The following PLEKHA5 variants were observed in gnomAD, a reference collection of about 807,000 sequenced individuals.
PLEKHA5 encodes the protein pleckstrin homology domain containing A5.
PLEKHA5 carries 55 observed loss-of-function variants against 181.9 expected under a neutral mutation model. The ratio of observed to expected loss-of-function variants is 0.30; its 90% confidence interval spans 0.24 to 0.38. The LOEUF (loss-of-function observed/expected upper bound fraction) is 0.38. Among genes scored for constraint, PLEKHA5 ranks in the 10% least tolerant of loss-of-function variants. PLEKHA5 has a pLI of 1.00. For synonymous variants in PLEKHA5, 535 were observed against 529.4 expected (o/e 1.01, Z -0.15); for missense variants, 1,432 against 1,549.5 (o/e 0.92, Z 1.27).
intron 3 of PLEKHA5, among the ~76,000 whole-genome samples, chr12:19,206,160 T>G (rs2055434221): frequency 6.6e-6 from 1 of 152,078 alleles, no homozygotes; most frequent in African/African-American, 2.4e-5. Context: ...ATTATGGTGA[T>G]CAATAGGAAG....
At chr12:19,231,488 T>G (rs532027253) in intron 3 of PLEKHA5, among the ~76,000 whole-genome samples, 1 of 101,658 alleles carries the variant, frequency 9.8e-6, no homozygotes, top group African/African-American at 3.0e-5. Context: ...AAGGTTATAC[T>G]TAGGACCTAG....
chr12:19,306,786 C>A, intron 15 of PLEKHA5: 1 of 884,028 alleles, frequency 1.1e-6, no homozygotes, highest in Non-Finnish European at 1.9e-6. Flanking sequence ...ATTCCATGAT[C>A]CAGACTCAGC....
chr12:19,306,357 C>G (rs758513798), intron 15 of PLEKHA5: 2 of 462,874 alleles, frequency 4.3e-6, no homozygotes, highest in Non-Finnish European at 8.5e-6. Flanking sequence ...TTCTCGTGCT[C>G]TCCAACTAGC....
chr12:19,195,135 A>C (rs954004703), intron 3 of PLEKHA5, among the ~76,000 whole-genome samples: 1 of 152,094 alleles, frequency 6.6e-6, no homozygotes, highest in Non-Finnish European at 1.5e-5. Context: ...CTTGGAGTTC[A>C]ACTTGCGCAA....
At chr12:19,195,151 G>T (rs961021150) in intron 3 of PLEKHA5, among the ~76,000 whole-genome samples, 6 of 152,056 alleles carry the variant, frequency 3.9e-5, no homozygotes, top group African/African-American at 7.2e-5. Context: ...CGCAAAGTTA[G>T]TAACAGGACT....
At chr12:19,374,417 T>C (rs1032465377) in intron 31 of PLEKHA5, among the ~76,000 whole-genome samples, 1 of 152,150 alleles carries the variant, frequency 6.6e-6, no homozygotes, top group African/African-American at 2.4e-5. Flanking sequence ...CCCAACACTT[T>C]GTGAGGCCGA....
chr12:19,195,915 C>G (rs1375300027), intron 3 of PLEKHA5, among the ~76,000 whole-genome samples: 2 of 152,080 alleles, frequency 1.3e-5, no homozygotes, highest in African/African-American at 4.8e-5. Flanking sequence ...TGAAGCCATT[C>G]TCTATTGACT....
chr12:19,283,271 T>C lies in PLEKHA5; in HGVS notation c.1314-9T>C. 6.5e-7 allele frequency: 1 copy of C among 1,534,144 alleles called. No homozygotes were observed. The highest frequency in any genetic ancestry group is 8.9e-7 in the Non-Finnish European group (1 of 1,129,146). On this transcript the variant is annotated splice_polypyrimidine_tract_variant and intron_variant, in intron 11 of 31. Transcript: ENST00000429027. Reference sequence around the variant, plus strand: ...TCATGTTTACATTTTAATTATTTTTTTATTTTAGAGTAATTTCTTACCAAA... The same window carrying C: ...TCATGTTTACATTTTAATTATTTTTCTATTTTAGAGTAATTTCTTACCAAA...
intron 3 of PLEKHA5, among the ~76,000 whole-genome samples, chr12:19,228,291 C>G (rs1031244698): frequency 2.6e-5 from 4 of 152,190 alleles, no homozygotes; most frequent in African/African-American, 9.7e-5. Flanking sequence ...ATATACCTTA[C>G]TAAGCCATTG....
chr12:19,303,815 C>G (rs1338787606), intron 15 of PLEKHA5: 1 of 107,512 alleles, frequency 9.3e-6, no homozygotes, highest in Admixed American at 1.1e-4. Context: ...TTTCTTTGAG[C>G]TTTTTTTTTT....
At chr12:19,168,285 A>G (rs1427483463) in intron 3 of PLEKHA5, among the ~76,000 whole-genome samples, 1 of 152,136 alleles carries the variant, frequency 6.6e-6, no homozygotes, top group African/African-American at 2.4e-5. Flanking sequence ...TTGAGATTCT[A>G]TTGAAATTGT....
At chr12:19,301,137 C>T (rs1359456348) in intron 15 of PLEKHA5, among the ~76,000 whole-genome samples, 2 of 152,002 alleles carry the variant, frequency 1.3e-5, no homozygotes, top group East Asian at 1.9e-4. Flanking sequence ...GCAACAAGAG[C>T]GAAACTCCGT....
intron 3 of PLEKHA5, among the ~76,000 whole-genome samples, chr12:19,175,591 G>A (rs771490861): frequency 7.9e-5 from 12 of 152,130 alleles, no homozygotes; most frequent in Non-Finnish European, 1.5e-4. Context: ...GTTTTATTGG[G>A]TTTTGATGTG....
At chr12:19,265,118 A>G (rs934455816) in intron 7 of PLEKHA5, among the ~76,000 whole-genome samples, 6 of 152,220 alleles carry the variant, frequency 3.9e-5, no homozygotes, top group Admixed American at 3.3e-4. Flanking sequence ...TAAAAAGCGT[A>G]TAATTTATAT....
intron 29 of PLEKHA5, among the ~76,000 whole-genome samples, chr12:19,362,325 G>A (rs2095275996): frequency 6.6e-6 from 1 of 152,078 alleles, no homozygotes; most frequent in African/African-American, 2.4e-5. Context: ...CTAGAAGTCA[G>A]GAGTTTGAGA....
Position 19,347,110 on chromosome 12 carries a change from G to A in PLEKHA5, c.2826G>A (p.Arg942=). Residue 942 remains arginine (R), a synonymous_variant, in exon 24 of 32, where the codon AGG becomes AGA. Transcript: ENST00000429027. ...GCAGCTCCTTGCTCTGTTATAGCAG[G>A]GGCCCAGTTCATCTGCCTGAAGAAA... ...SDSSSLLCYS[R]GPVHLPEEKK... 1 of 1,550,376 alleles carries A rather than the reference G, an allele frequency of 6.5e-7. No individual in the cohort carries two copies. The highest frequency in any genetic ancestry group is 8.7e-7 in the Non-Finnish European group (1 of 1,146,020).
Position 19,261,167 on chromosome 12 carries a change from A to G in PLEKHA5, c.610+146A>G, listed in dbSNP as rs112239845. The G allele has an allele frequency of 1.1e-3, 548 of 492,898 alleles. 3 individuals are homozygous for G. The highest frequency in any genetic ancestry group is 9.7e-3 in the African/African-American group (502 of 51,804). 30.5% of individuals were successfully genotyped at this position (492,898 alleles called of 1,614,324 possible). A position where few individuals can be genotyped will look rare whatever the true frequency, so the allele number is the denominator to read the frequency against. On this transcript the variant is annotated intron_variant, in intron 7 of 31. Transcript: ENST00000429027. ...TCAAACAGATTTTTTCTCCTTTGAC[A>G]TATCATTCTGAGTTTTGGGGTTATG...
At chr12:19,156,369 C>T (rs1379099315) in intron 3 of PLEKHA5, among the ~76,000 whole-genome samples, 1 of 151,780 alleles carries the variant, frequency 6.6e-6, no homozygotes, top group Admixed American at 6.6e-5. Context: ...CAGGTGAAAC[C>T]CATGTATTAT....
chr12:19,281,925 G>A (rs2076265247), intron 11 of PLEKHA5, among the ~76,000 whole-genome samples: 1 of 151,972 alleles, frequency 6.6e-6, no homozygotes, highest in Non-Finnish European at 1.5e-5. Flanking sequence ...GGGACTACAG[G>A]CACCTGCCAC....
Sources: allele counts gnomAD v4.1 joint callset (sites outside exome capture counted in the v4.1 genomes callset), GRCh38; gene constraint gnomAD v4.1.1; transcripts MANE v1.5; gene names NCBI Gene and HGNC (gene_info 2026-07-23, HGNC 2026-07-21).